Variants in SNTB1 observed in about 807,000 individuals in gnomAD.
SNTB1 encodes syntrophin beta 1.
In SNTB1, 36 loss-of-function variants were observed where a neutral mutation model predicts 48.9. That is an observed-to-expected ratio of 0.74 (90% CI 0.56 to 0.97). The LOEUF (loss-of-function observed/expected upper bound fraction) is 0.97, where lower values mean the gene tolerates loss of function less well. Among genes scored for constraint, SNTB1 ranks in the 50% least tolerant of loss-of-function variants. The pLI is 0.00. For missense variants in SNTB1, 786 were observed against 703.4 expected (o/e 1.12, Z -1.33); for synonymous variants, 299 against 294.6 (o/e 1.01, Z -0.15).
At chr8:120,593,662 G>A (rs1385212786) in intron 3 of SNTB1, among the ~76,000 whole-genome samples, 1 of 152,168 alleles carries the variant, frequency 6.6e-6, no homozygotes, top group Non-Finnish European at 1.5e-5. Context: ...TCTTAAGAAG[G>A]GACAAATCAT....
chr8:120,547,455 G>C lies in SNTB1; in HGVS notation c.1333+1307C>G, dbSNP rs577281847. On this transcript the variant is annotated intron_variant, in intron 5 of 6. Transcript: ENST00000517992. The stretch of plus-strand genomic sequence containing the variant: ...TACTAAAAAATACAAAAATTAGCTG[G>C]GCATGGTGGCATGTGCCTGTAATTC... Among the ~76,000 whole-genome samples the C allele has an allele frequency of 2.6e-5, 4 of 151,914 alleles. No individual in the cohort carries two copies. The East Asian group carries it at 7.7e-4, about 29-fold the overall frequency.
chr8:120,760,832 G>A (rs2130064187), intron 1 of SNTB1, among the ~76,000 whole-genome samples: 1 of 151,848 alleles, frequency 6.6e-6, no homozygotes, highest in East Asian at 1.9e-4. Flanking sequence ...CATTTACTAA[G>A]GGGTGAAAAA....
At chr8:120,673,979 T>C (rs1439362885) in intron 2 of SNTB1, among the ~76,000 whole-genome samples, 1 of 152,178 alleles carries the variant, frequency 6.6e-6, no homozygotes, top group Non-Finnish European at 1.5e-5. Context: ...ACAAATATGC[T>C]GTACAGTGGC....
At position 120,538,501 on chromosome 8, in the gene SNTB1, C is replaced by T. The variant is rs193232626; in HGVS notation, c.*376G>A. 8 of 363,636 alleles carry T rather than the reference C, an allele frequency of 2.2e-5. No homozygotes were observed. The East Asian group carries it at 5.1e-4, about 23-fold the overall frequency. The allele number at this position is 363,636 out of a possible 1,614,324, so 22.5% of individuals were successfully genotyped here. On this transcript the variant is annotated 3_prime_UTR_variant, in exon 7 of 7. Transcript: ENST00000517992. ...TAAGAATGTCCATTTCTCAACTATT[C>T]GGCCCTTGCGTACCTGGTGAACAAG...
intron 3 of SNTB1, 141 bp from the exon 4 acceptor site, chr8:120,575,366 T>A: frequency 2.2e-6 from 2 of 906,374 alleles, no homozygotes; most frequent in Non-Finnish European, 3.4e-6. Flanking sequence ...GGAAAGAACC[T>A]TGTCTTTATC....
At chr8:120,649,426 G>T (rs1172780197) in intron 2 of SNTB1, among the ~76,000 whole-genome samples, 1 of 138,828 alleles carries the variant, frequency 7.2e-6, no homozygotes, top group African/African-American at 2.8e-5. Flanking sequence ...GTACCCTGCC[G>T]TGTGAGGTGT....
At position 120,610,329 on chromosome 8, in the gene SNTB1, G is replaced by T. The variant is rs575900298; in HGVS notation, c.996+22115C>A. On this transcript the variant is annotated intron_variant, in intron 3 of 6. Coordinates refer to ENST00000517992, the MANE Select transcript of SNTB1 (RefSeq NM_021021.4). Reference sequence around the variant, plus strand: ...TTTTTGTATTTTTAGAAGAGACGGGGTTTCACCACGTTGGCCAGTCTGGTC... The same window carrying T: ...TTTTTGTATTTTTAGAAGAGACGGGTTTTCACCACGTTGGCCAGTCTGGTC... Among the ~76,000 whole-genome samples the T allele has an allele frequency of 2.6e-5, 4 of 152,200 alleles. No individual in the cohort carries two copies. In the East Asian group the frequency reaches 5.8e-4, roughly 22 times the overall value.
intron 2 of SNTB1, among the ~76,000 whole-genome samples, chr8:120,680,041 C>G (rs1817903896): frequency 6.6e-6 from 1 of 152,114 alleles, no homozygotes; most frequent in South Asian, 2.1e-4. Flanking sequence ...GAATACCCTC[C>G]CTGTCTTCCT....
At chr8:120,715,444 C>T (rs559438526) in intron 1 of SNTB1, among the ~76,000 whole-genome samples, 94 of 152,152 alleles carry the variant, frequency 6.2e-4, no homozygotes, top group African/African-American at 2.2e-3. Flanking sequence ...AAAACGATAG[C>T]AAATTTTAGT....
chr8:120,544,613 A>G (rs1262952731), intron 5 of SNTB1, among the ~76,000 whole-genome samples: 1 of 152,164 alleles, frequency 6.6e-6, no homozygotes, highest in Non-Finnish European at 1.5e-5. Flanking sequence ...TTAGAGAAAG[A>G]TTTTACAAAA....
chr8:120,707,084 G>A (rs1268871617), intron 1 of SNTB1, among the ~76,000 whole-genome samples: 1 of 152,150 alleles, frequency 6.6e-6, no homozygotes, highest in East Asian at 1.9e-4. Context: ...TATTTTGAAA[G>A]TGCTTTATAG....
At chr8:120,558,092 T>C (rs2130663714) in intron 4 of SNTB1, among the ~76,000 whole-genome samples, 1 of 152,324 alleles carries the variant, frequency 6.6e-6, no homozygotes, top group South Asian at 2.1e-4. Context: ...CCTGGCTTTT[T>C]CCCATTCTGC....
intron 1 of SNTB1, among the ~76,000 whole-genome samples, chr8:120,772,200 C>G (rs1819647800): frequency 6.6e-6 from 1 of 151,820 alleles, no homozygotes; most frequent in African/African-American, 2.4e-5. Flanking sequence ...TCTCCAGAAC[C>G]CTGTAGATTG....
Position 120,590,474 on chromosome 8 carries a change from A to AT in SNTB1, c.997-15250dup, listed in dbSNP as rs549673290. Among the ~76,000 whole-genome samples, 40 of 152,286 alleles carry AT rather than the reference A, an allele frequency of 2.6e-4. 1 individual carries two copies. The South Asian group carries it at 8.1e-3, about 31-fold the overall frequency. On this transcript the variant is annotated intron_variant, in intron 3 of 6. Transcript: ENST00000517992. The stretch of plus-strand genomic sequence containing the variant: ...ATGCAAAGTAGGAAGCACAGGAAAC[A>AT]TTATATAGAGTACTTGCAAGAATGT...
At chr8:120,798,044 G>T (rs894264388) in intron 1 of SNTB1, among the ~76,000 whole-genome samples, 5 of 151,988 alleles carry the variant, frequency 3.3e-5, no homozygotes, top group Admixed American at 6.6e-5. Flanking sequence ...CACGAAAAAA[G>T]AGAAATAAAT....
chr8:120,567,770 G>A (rs1284810209), intron 4 of SNTB1, among the ~76,000 whole-genome samples: 1 of 148,666 alleles, frequency 6.7e-6, no homozygotes, highest in Non-Finnish European at 1.5e-5. Context: ...TGATTAGTTA[G>A]TAGACACAGT....
At position 120,632,464 on chromosome 8, in the gene SNTB1, G is replaced by T. The variant is rs1316227881; in HGVS notation, c.976C>A (p.Leu326Ile). 8 of 1,614,124 alleles carry T rather than the reference G, an allele frequency of 5.0e-6. No homozygotes were observed. The highest frequency in any genetic ancestry group is 5.9e-6 in the Non-Finnish European group (7 of 1,180,024). Residue 326 changes from leucine (L) to isoleucine (I), a missense_variant, in exon 3 of 7, where the codon CTT (leucine) becomes ATT (isoleucine). Transcript: ENST00000517992. ...GIAGSREIRH[L>I]GWLAEKVPGE... Reference sequence around the variant, plus strand: ...CTTACCTTTTCTGCAAGCCAGCCAAGATGCCTAATCTCTCGGCTCCCAGCA... The same window carrying T: ...CTTACCTTTTCTGCAAGCCAGCCAATATGCCTAATCTCTCGGCTCCCAGCA...
chr8:120,591,458 C>T lies in SNTB1; in HGVS notation c.997-16233G>A, dbSNP rs145427758. 6.6e-5 allele frequency among the ~76,000 whole-genome samples: 10 copies of T among 152,184 alleles called. No homozygotes were observed. The East Asian group carries it at 7.7e-4, about 12-fold the overall frequency. Reference sequence around the variant, plus strand: ...AGATAGATTTGTCAGAGATGCATAGCGACCCGGGACCTCCTTGCTTTCTGC... The same window carrying T: ...AGATAGATTTGTCAGAGATGCATAGTGACCCGGGACCTCCTTGCTTTCTGC... On this transcript the variant is annotated intron_variant, in intron 3 of 6. Transcript: ENST00000517992.
chr8:120,571,479 GTTTTTTTTTTTTTTTTTT>G (rs574978297), intron 4 of SNTB1: 156 of 167,006 alleles, frequency 9.3e-4, no homozygotes, highest in East Asian at 5.8e-3. Flanking sequence ...ACTATTGAGG[GTTTTTTTTTTTTTTTTTT>G]TTTTTTTTTT....
Sources: gnomAD v4.1 joint callset for allele counts (sites outside exome capture counted in the v4.1 genomes callset) on GRCh38, gnomAD v4.1.1 for gene constraint, MANE v1.5 for transcripts, NCBI Gene and HGNC (gene_info 2026-07-23, HGNC 2026-07-21) for gene names.